EFCAB7: variants seen among roughly 807,000 people sequenced by gnomAD.
The protein encoded by EFCAB7 is EF-hand calcium-binding domain-containing protein 7.
A neutral mutation model predicts 77.1 loss-of-function variants in EFCAB7; 66 were observed. That is an observed-to-expected ratio of 0.86 (90% confidence interval 0.70 to 1.05). EFCAB7 has a LOEUF of 1.05. Ranked by LOEUF, EFCAB7 falls within the 50% of genes least tolerant of loss-of-function variation. The pLI, the probability that EFCAB7 is intolerant of heterozygous loss-of-function variation, is 0.00. For synonymous variants in EFCAB7, 225 were observed against 243.3 expected (o/e 0.92, Z 0.70); for missense variants, 638 against 730.5 (o/e 0.87, Z 1.46).
At chr1:63,563,017 A>C (rs1647127559) in intron 11 of EFCAB7, among the ~76,000 whole-genome samples, 1 of 152,142 alleles carries the variant, frequency 6.6e-6, no homozygotes, top group East Asian at 1.9e-4. Context: ...GTGAATAGTT[A>C]TGGTAACTAT....
At chr1:63,536,908 ATTTTAAACAAGT>A (rs1355949456) in intron 6 of EFCAB7, 2 of 152,200 alleles carry the variant, frequency 1.3e-5, no homozygotes, top group Non-Finnish European at 2.9e-5. Flanking sequence ...CTTTAAATTT[ATTTTAAACAAGT>A]TTGGGTATCT....
chr1:63,564,867 T>C (rs1647151767), intron 11 of EFCAB7, among the ~76,000 whole-genome samples: 1 of 152,132 alleles, frequency 6.6e-6, no homozygotes, highest in African/African-American at 2.4e-5. Flanking sequence ...AACAAACATA[T>C]AGACCAATGG....
intron 11 of EFCAB7, 31 bp from the exon 12 acceptor site, chr1:63,568,279 A>G: frequency 1.3e-6 from 2 of 1,524,886 alleles, no homozygotes; most frequent in South Asian, 1.2e-5. Context: ...TTCTATCAAA[A>G]GGCTGAAACA....
At chr1:63,579,063 A>T in the EFCAB7 span, among the ~76,000 whole-genome samples, 1 of 152,138 alleles carries the variant, frequency 6.6e-6, no homozygotes, top group Non-Finnish European at 1.5e-5. Context: ...TCATACAGTA[A>T]ATTTGACCCT....
the EFCAB7 span, among the ~76,000 whole-genome samples, chr1:63,585,150 GTTT>G: frequency 7.2e-6 from 1 of 139,676 alleles, no homozygotes. Flanking sequence ...TTTGGAAGAG[GTTT>G]TTTTTTTTTT....
intron 11 of EFCAB7, among the ~76,000 whole-genome samples, chr1:63,562,902 A>G (rs1386078723): frequency 6.6e-6 from 1 of 152,160 alleles, no homozygotes; most frequent in African/African-American, 2.4e-5. Context: ...TATTTTAGAT[A>G]CATTTAGACT....
At chr1:63,562,877 A>G (rs1028046448) in intron 11 of EFCAB7, among the ~76,000 whole-genome samples, 5 of 152,146 alleles carry the variant, frequency 3.3e-5, no homozygotes, top group Non-Finnish European at 1.5e-5. Context: ...GGGCAATACT[A>G]ACTTTGACAA....
At chr1:63,533,115 T>C (rs962002765) in intron 4 of EFCAB7, among the ~76,000 whole-genome samples, 1 of 152,124 alleles carries the variant, frequency 6.6e-6, no homozygotes, top group Admixed American at 6.6e-5. Context: ...ATAGAGACTC[T>C]ACTCAGAAAT....
chr1:63,567,601 A>G (rs906066585), intron 11 of EFCAB7, among the ~76,000 whole-genome samples: 5 of 152,196 alleles, frequency 3.3e-5, no homozygotes, highest in Admixed American at 2.6e-4. Flanking sequence ...TGAAGCAGGA[A>G]GACAAGGTAC....
In EFCAB7 at chr1:63,533,439, T is replaced by C. The variant is rs1646724835; in HGVS notation, c.487-15T>C. The C allele has an allele frequency of 6.3e-7, 1 of 1,593,436 alleles. No homozygotes were observed. The highest frequency in any genetic ancestry group is 8.5e-7 in the Non-Finnish European group (1 of 1,173,536). ...GATTGAATGTTTTACCCACTGGACT[T>C]TTTTTTTCCTGTAGTTTTGTAAATT... On this transcript the variant is annotated splice_polypyrimidine_tract_variant and intron_variant, in intron 4 of 13. Coordinates refer to ENST00000371088, the MANE Select transcript of EFCAB7 (RefSeq NM_032437.4).
intron 10 of EFCAB7, among the ~76,000 whole-genome samples, chr1:63,558,418 G>A (rs188248741): frequency 6.6e-6 from 1 of 152,216 alleles, no homozygotes; most frequent in East Asian, 1.9e-4. Context: ...CTATGAAGTA[G>A]TACTTTATTA....
chr1:63,526,211 TTTC>T (rs1440831283), intron 2 of EFCAB7, among the ~76,000 whole-genome samples: 1 of 152,174 alleles, frequency 6.6e-6, no homozygotes, highest in Non-Finnish European at 1.5e-5. Flanking sequence ...GGTTTTTTTA[TTTC>T]TTATTTTTAT....
intron 5 of EFCAB7, 65 bp from the exon 6 acceptor site, chr1:63,534,030 T>TTA: frequency 6.3e-7 from 1 of 1,584,652 alleles, no homozygotes; most frequent in Admixed American, 1.7e-5. Flanking sequence ...CTGCACTGTG[T>TTA]TTGGAAAAAA....
At chr1:63,571,240 G>A in intron 13 of EFCAB7, 112 bp downstream of exon 13, 7 of 688,524 alleles carry the variant, frequency 1.0e-5, no homozygotes, top group Middle Eastern at 3.8e-4. Flanking sequence ...ATTATTTTAA[G>A]TATGATATTT....
At chr1:63,582,733 T>G in the EFCAB7 span, among the ~76,000 whole-genome samples, 1 of 152,086 alleles carries the variant, frequency 6.6e-6, no homozygotes, top group Admixed American at 6.5e-5. Context: ...GCCTCTCGAG[T>G]AGCTGGGACT....
Position 63,568,473 on chromosome 1 carries a change from A to G in EFCAB7, c.1661A>G (p.His554Arg). The change falls in exon 12 of 14, where the codon CAT becomes CGT. Residue 554 changes from histidine to arginine, a missense_variant. His to Arg is a conservative substitution (Grantham distance 29). Coordinates refer to ENST00000371088, the MANE Select transcript of EFCAB7 (RefSeq NM_032437.4). ...GATGGCTATGAAAATATAATCGTGC[A>G]TACTTACAGTTGTGACACCTGGATA... ...VMDGYENIIV[H>R]TYSCDTWITS... 2 of 1,596,070 alleles carry G rather than the reference A, an allele frequency of 1.3e-6. No homozygotes were observed. Among genetic ancestry groups the G allele is most frequent in the Non-Finnish European group, 1.7e-6 (2 of 1,174,220 alleles).
At chr1:63,540,101 G>C (rs1413122167) in intron 6 of EFCAB7, among the ~76,000 whole-genome samples, 1 of 151,990 alleles carries the variant, frequency 6.6e-6, no homozygotes, top group African/African-American at 2.4e-5. Context: ...AGTGGCTCAC[G>C]CCTGTAATCC....
intron 6 of EFCAB7, among the ~76,000 whole-genome samples, chr1:63,540,215 T>G (rs1217240411): frequency 6.6e-6 from 1 of 151,700 alleles, no homozygotes; most frequent in East Asian, 1.9e-4. Flanking sequence ...ATACAAAAAA[T>G]TAGCTGGGTG....
chr1:63,552,249 A>G (rs1646974696), intron 8 of EFCAB7, among the ~76,000 whole-genome samples: 2 of 152,158 alleles, frequency 1.3e-5, no homozygotes, highest in Admixed American at 1.3e-4. Context: ...AATTTAAATA[A>G]AGAATTGAGG....
Sources: gnomAD v4.1 joint callset for allele counts (sites outside exome capture counted in the v4.1 genomes callset) on GRCh38, gnomAD v4.1.1 for gene constraint, MANE v1.5 for transcripts, NCBI Gene and HGNC (gene_info 2026-07-23, HGNC 2026-07-21) for gene names.